Variants in AFAP1 observed in about 807,000 individuals in gnomAD.
AFAP1 encodes the protein actin filament associated protein 1, also known as actin filament-associated protein 1.
AFAP1 carries 75 observed loss-of-function variants against 93.9 expected under a neutral mutation model. The observed-to-expected ratio is 0.80, with a 90% CI of 0.66 to 0.97. AFAP1 has a LOEUF of 0.97. Among genes scored for constraint, AFAP1 ranks in the 50% least tolerant of loss-of-function variants. The probability of loss-of-function intolerance (pLI) is 0.00; values close to 1 mark genes in which losing one functional copy is unlikely to be tolerated. For missense variants in AFAP1, 1,201 were observed against 1,050.8 expected, an observed-to-expected ratio of 1.14 and a Z score of -1.98; for synonymous variants, 517 against 430.7, an observed-to-expected ratio of 1.20 and a Z score of -2.48.
intron 1 of AFAP1, among the ~76,000 whole-genome samples, chr4:7,914,859 T>C (rs545822164): frequency 7.3e-4 from 111 of 152,062 alleles, no homozygotes; most frequent in Non-Finnish European, 1.3e-3. Context: ...GAGGTTCTCA[T>C]ACCTCAGCCT....
intron 1 of AFAP1, among the ~76,000 whole-genome samples, chr4:7,938,393 G>A (rs191997765): frequency 2.3e-4 from 35 of 152,314 alleles, no homozygotes; most frequent in Non-Finnish European, 4.6e-4. Flanking sequence ...GGGGAAAACT[G>A]TCCAGTTCGA....
intron 4 of AFAP1, among the ~76,000 whole-genome samples, chr4:7,851,482 G>A (rs981932591): frequency 1.3e-5 from 2 of 152,306 alleles, no homozygotes; most frequent in South Asian, 4.1e-4. Flanking sequence ...CAACTGGTCT[G>A]CAGAAGATGC....
chr4:7,802,798 C>T (rs905275825), intron 9 of AFAP1, among the ~76,000 whole-genome samples: 6 of 151,956 alleles, frequency 3.9e-5, no homozygotes, highest in East Asian at 1.9e-4. Context: ...TACAGGCGCC[C>T]GCCACCACAC....
In AFAP1 at chr4:7,926,389, C is replaced by T. The variant is rs571030001; in HGVS notation, c.-3+13267G>A. 9.2e-5 allele frequency among the ~76,000 whole-genome samples: 14 copies of T among 152,266 alleles called. No individual in the cohort carries two copies. The South Asian group carries it at 2.5e-3, about 27-fold the overall frequency. The stretch of plus-strand genomic sequence containing the variant: ...AAAGGTACCTATGAGTCAAAATGAA[C>T]CTCTGCCCTGCCCCACCCCATCCTA... On this transcript the variant is annotated intron_variant, in intron 1 of 17. Transcript: ENST00000420658.
At chr4:7,838,465 A>G in intron 6 of AFAP1, 59 bp downstream of exon 6, 1 of 1,527,794 alleles carries the variant, frequency 6.5e-7, no homozygotes, top group Non-Finnish European at 8.8e-7. Flanking sequence ...TAAAATTAAA[A>G]TGGATCTCAG....
intron 4 of AFAP1, among the ~76,000 whole-genome samples, chr4:7,847,409 A>C (rs779924927): frequency 6.6e-6 from 1 of 152,236 alleles, no homozygotes; most frequent in South Asian, 2.1e-4. Context: ...CAGTGTCCCA[A>C]TCAAGAGAAC....
intron 12 of AFAP1, among the ~76,000 whole-genome samples, chr4:7,782,429 G>A (rs1038077961): frequency 1.3e-5 from 2 of 152,184 alleles, no homozygotes; most frequent in African/African-American, 2.4e-5. Context: ...AAGCAAAACC[G>A]TCTGTGAAAA....
intron 6 of AFAP1, among the ~76,000 whole-genome samples, chr4:7,827,585 A>AG (rs1204369814): frequency 6.7e-6 from 1 of 149,340 alleles, no homozygotes; most frequent in Non-Finnish European, 1.5e-5. Context: ...AAAAAAAAAA[A>AG]AAAAAGGGAG....
chr4:7,869,079 A>G (rs890315070), intron 2 of AFAP1, among the ~76,000 whole-genome samples: 24 of 151,804 alleles, frequency 1.6e-4, no homozygotes, highest in Non-Finnish European at 7.4e-5. Context: ...AAAAGAAAAA[A>G]GAAAAGAGAA....
intron 4 of AFAP1, among the ~76,000 whole-genome samples, chr4:7,848,099 A>AGAAGGAAGGAAG (rs143271001): frequency 0.023 from 2,710 of 116,072 alleles, 74 homozygotes; most frequent in African/African-American, 0.053. Context: ...AGGGAAGGAA[A>AGAAGGAAGGAAG]GAAGGAAGGA....
rs569742980 is a variant in AFAP1 at position 7,812,657 on chromosome 4, C to G, written c.905-2894G>C. On this transcript the variant is annotated intron_variant, in intron 8 of 17. Transcript: ENST00000420658. ...AAAAGCTGGAGTATCCAGGCACACG[C>G]TGGCCCATGAGGTGGGCAGGCACTG... Among the ~76,000 whole-genome samples, 3 of 152,304 alleles carry G rather than the reference C, an allele frequency of 2.0e-5. No homozygotes were observed. In the East Asian group the frequency reaches 5.8e-4, roughly 29 times the overall value.
At chr4:7,908,812 C>T (rs1719568509) in intron 1 of AFAP1, among the ~76,000 whole-genome samples, 1 of 152,224 alleles carries the variant, frequency 6.6e-6, no homozygotes, top group Non-Finnish European at 1.5e-5. Context: ...CTGAGTGCTT[C>T]GTATAGCATA....
chr4:7,811,370 A>G (rs1720017045), intron 8 of AFAP1, among the ~76,000 whole-genome samples: 1 of 151,926 alleles, frequency 6.6e-6, no homozygotes, highest in African/African-American at 2.4e-5. Flanking sequence ...GCAGAGGAAG[A>G]GCGGCCAGGG....
intron 4 of AFAP1, among the ~76,000 whole-genome samples, chr4:7,845,424 ATTATTATTACT>A (rs1169278672): frequency 3.0e-5 from 4 of 131,994 alleles, no homozygotes; most frequent in Non-Finnish European, 7.3e-5. Context: ...TATTATTATT[ATTATTATTACT>A]TTAAGTCCAG....
intron 12 of AFAP1, among the ~76,000 whole-genome samples, chr4:7,783,315 T>C (rs1006523549): frequency 2.0e-4 from 31 of 152,134 alleles, no homozygotes; most frequent in South Asian, 2.1e-4. Flanking sequence ...AATTTTTGTA[T>C]TTTTAGTAGA....
At chr4:7,860,956 C>T (rs937802645) in intron 3 of AFAP1, among the ~76,000 whole-genome samples, 8 of 152,226 alleles carry the variant, frequency 5.3e-5, no homozygotes, top group Non-Finnish European at 8.8e-5. Context: ...GCTGGCACTC[C>T]GCCCTCTGTC....
At chr4:7,818,237 C>A (rs6446623) in intron 7 of AFAP1, among the ~76,000 whole-genome samples, 73,820 of 152,014 alleles carry the variant, frequency 0.49, 18,638 homozygotes, top group African/African-American at 0.63. Flanking sequence ...TTCACCTGCA[C>A]CATCGGCTCT....
intron 1 of AFAP1, among the ~76,000 whole-genome samples, chr4:7,926,602 G>C (rs895779611): frequency 6.6e-6 from 1 of 152,220 alleles, no homozygotes; most frequent in African/African-American, 2.4e-5. Context: ...GGACTATTTA[G>C]AGTGTAGTTT....
chr4:7,815,792 C>A (rs1470248323), intron 8 of AFAP1, among the ~76,000 whole-genome samples: 1 of 152,134 alleles, frequency 6.6e-6, no homozygotes, highest in African/African-American at 2.4e-5. Context: ...AGATGGCAAC[C>A]TCGGCCAAGG....
Sources: allele counts gnomAD v4.1 joint callset (sites outside exome capture counted in the v4.1 genomes callset), GRCh38; gene constraint gnomAD v4.1.1; transcripts MANE v1.5; gene names NCBI Gene and HGNC (gene_info 2026-07-23, HGNC 2026-07-21).